The following LRRC1 variants were observed in gnomAD, a reference collection of about 807,000 sequenced individuals.
The protein encoded by LRRC1 is leucine-rich repeat-containing protein 1.
A neutral mutation model predicts 69.9 loss-of-function variants in LRRC1; 28 were observed. The ratio of observed to expected loss-of-function variants is 0.40; its 90% CI spans 0.30 to 0.55. The LOEUF (loss-of-function observed/expected upper bound fraction) is 0.55. Ranked by LOEUF, LRRC1 falls within the 20% of genes least tolerant of loss-of-function variation. LRRC1 has a pLI of 0.47. For synonymous variants in LRRC1, 236 were observed against 240.2 expected, an observed-to-expected ratio of 0.98 and a Z score of 0.16; for missense variants, 498 against 609.0, an observed-to-expected ratio of 0.82 and a Z score of 1.92.
chr6:53,847,335 G>A (rs1335697455), intron 2 of LRRC1, among the ~76,000 whole-genome samples: 1 of 152,144 alleles, frequency 6.6e-6, no homozygotes, highest in Non-Finnish European at 1.5e-5. Context: ...GATAAAGAAT[G>A]CAGGGGCTAC....
chr6:53,820,701 C>CAAATAA (rs1765091018), intron 1 of LRRC1, among the ~76,000 whole-genome samples: 1 of 151,902 alleles, frequency 6.6e-6, no homozygotes, highest in South Asian at 2.1e-4. Context: ...TATTTAAGGA[C>CAAATAA]ATGGGAAATT....
chr6:53,868,200 T>C (rs1766769652), intron 2 of LRRC1, among the ~76,000 whole-genome samples: 1 of 151,740 alleles, frequency 6.6e-6, no homozygotes, highest in Non-Finnish European at 1.5e-5. Context: ...CCTCTAAATG[T>C]TATTTCTATT....
At chr6:53,911,037 T>C (rs769631555) in intron 10 of LRRC1, among the ~76,000 whole-genome samples, 5 of 152,244 alleles carry the variant, frequency 3.3e-5, no homozygotes, top group Admixed American at 6.5e-5. Flanking sequence ...TGCTCTTTGT[T>C]GGCATTGTTT....
At chr6:53,821,772 A>G (rs1025840191) in intron 1 of LRRC1, among the ~76,000 whole-genome samples, 1 of 151,918 alleles carries the variant, frequency 6.6e-6, no homozygotes, top group African/African-American at 2.4e-5. Context: ...CTTTAAGGGA[A>G]TTTTTTTTCA....
At chr6:53,799,103 T>C (rs1191145547) in intron 1 of LRRC1, among the ~76,000 whole-genome samples, 2 of 152,236 alleles carry the variant, frequency 1.3e-5, no homozygotes, top group Non-Finnish European at 2.9e-5. Flanking sequence ...TAAATGAATA[T>C]ACTAAAGGCT....
intron 2 of LRRC1, among the ~76,000 whole-genome samples, chr6:53,842,988 T>A (rs190951015): frequency 3.9e-5 from 6 of 152,268 alleles, no homozygotes; most frequent in Admixed American, 3.3e-4. Flanking sequence ...TAACCCTCAG[T>A]TTTATACCCC....
intron 4 of LRRC1, among the ~76,000 whole-genome samples, chr6:53,890,550 C>T (rs1309436888): frequency 2.0e-5 from 3 of 152,154 alleles, no homozygotes; most frequent in Non-Finnish European, 2.9e-5. Flanking sequence ...TAAGTGCATG[C>T]TGCCTAAAAG....
In LRRC1 at chr6:53,899,833, T is replaced by G; in HGVS notation, c.729T>G (p.Thr243=). The G allele has an allele frequency of 6.2e-7, 1 of 1,614,146 alleles. No individual in the cohort carries two copies. Among genetic ancestry groups the G allele is most frequent in the Non-Finnish European group, 8.5e-7 (1 of 1,179,996 alleles). Residue 243 remains threonine (T), a synonymous_variant, in exon 8 of 14, where the codon ACT becomes ACG. Transcript: ENST00000370888. ...ERLPEEISGL[T]SLTDLVISQN... ...TTCCTGAAGAAATCAGTGGCCTGAC[T>G]TCATTAACGGATTTAGTCATTTCCC... is the stretch of plus-strand genomic sequence containing the variant.
At chr6:53,903,739 G>C (rs528234370) in intron 9 of LRRC1, among the ~76,000 whole-genome samples, 1 of 152,194 alleles carries the variant, frequency 6.6e-6, no homozygotes. Context: ...GCCTCTGGCA[G>C]GTGTGGTGGG....
intron 1 of LRRC1, among the ~76,000 whole-genome samples, chr6:53,840,656 G>A (rs1418232370): frequency 6.6e-6 from 1 of 151,510 alleles, no homozygotes; most frequent in Non-Finnish European, 1.5e-5. Context: ...ACCTTCTGAG[G>A]ACTCTATTAA....
At chr6:53,821,195 T>C (rs1405352516) in intron 1 of LRRC1, among the ~76,000 whole-genome samples, 4 of 152,232 alleles carry the variant, frequency 2.6e-5, no homozygotes, top group African/African-American at 9.6e-5. Flanking sequence ...ATCATTTGAA[T>C]GCTTTGTGGG....
intron 1 of LRRC1, among the ~76,000 whole-genome samples, chr6:53,838,662 A>T (rs1214927167): frequency 2.0e-5 from 3 of 152,114 alleles, no homozygotes; most frequent in Admixed American, 1.3e-4. Context: ...CAAATACGTG[A>T]CTCTATTGAA....
intron 10 of LRRC1, among the ~76,000 whole-genome samples, chr6:53,905,561 C>T (rs1341034788): frequency 1.3e-5 from 2 of 152,036 alleles, no homozygotes; most frequent in Admixed American, 1.3e-4. Context: ...TAGTTTGCTT[C>T]ATATTTCTGT....
In LRRC1 at chr6:53,795,083, C is replaced by A; in HGVS notation, c.-174C>A. Reference sequence around the variant, plus strand: ...CAGGGACGGGGCAGGGGCTCCCGCTCCAGGTTCCTTGAAGCACTTCCGACC... The same window carrying A: ...CAGGGACGGGGCAGGGGCTCCCGCTACAGGTTCCTTGAAGCACTTCCGACC... On this transcript the variant is annotated 5_prime_UTR_variant, in exon 1 of 14. Coordinates refer to ENST00000370888, the MANE Select transcript of LRRC1 (RefSeq NM_018214.5). The A allele has an allele frequency of 1.7e-6, 1 of 578,394 alleles. No homozygotes were observed. Among genetic ancestry groups the A allele is most frequent in the Non-Finnish European group, 2.9e-6 (1 of 341,404 alleles). The allele number at this position is 578,394 out of a possible 1,614,324, so 35.8% of individuals were successfully genotyped here. A position where few individuals can be genotyped will look rare whatever the true frequency, so the allele number is the denominator to read the frequency against.
intron 10 of LRRC1, among the ~76,000 whole-genome samples, chr6:53,913,036 G>C (rs748745990): frequency 6.6e-6 from 1 of 152,092 alleles, no homozygotes. Context: ...AGAATCATTG[G>C]ATTTTTTTGT....
chr6:53,812,634 G>A (rs1356587004), intron 1 of LRRC1, among the ~76,000 whole-genome samples: 1 of 146,670 alleles, frequency 6.8e-6, no homozygotes, highest in Non-Finnish European at 1.5e-5. Context: ...AGCTTGCAGT[G>A]AGCCGAGATC....
Position 53,911,572 on chromosome 6 carries a change from C to T in LRRC1, c.991-2282C>T, listed in dbSNP as rs1051449429. Among the ~76,000 whole-genome samples the T allele has an allele frequency of 8.5e-5, 13 of 152,176 alleles. No individual in the cohort carries two copies. In the East Asian group the frequency reaches 2.5e-3, roughly 29 times the overall value. On this transcript the variant is annotated intron_variant, in intron 10 of 13. Transcript: ENST00000370888. Reference sequence around the variant, plus strand: ...GCCCCCCTTGGGTCACACATAAATCCTGTCTCTTCAAAGCTAGATCAGGAC... The same window carrying T: ...GCCCCCCTTGGGTCACACATAAATCTTGTCTCTTCAAAGCTAGATCAGGAC...
intron 4 of LRRC1, among the ~76,000 whole-genome samples, chr6:53,893,343 G>T (rs942754825): frequency 6.6e-6 from 1 of 152,148 alleles, no homozygotes; most frequent in Non-Finnish European, 1.5e-5. Context: ...TCAAGCCTGG[G>T]CCCCAGGCCT....
intron 1 of LRRC1, among the ~76,000 whole-genome samples, chr6:53,810,235 C>T (rs980135099): frequency 6.6e-6 from 1 of 152,182 alleles, no homozygotes; most frequent in Non-Finnish European, 1.5e-5. Context: ...TTATGTCTCT[C>T]GTTTAACCCT....
Sources: allele counts gnomAD v4.1 joint callset (sites outside exome capture counted in the v4.1 genomes callset), GRCh38; gene constraint gnomAD v4.1.1; transcripts MANE v1.5; gene names NCBI Gene and HGNC (gene_info 2026-07-23, HGNC 2026-07-21).